The following TP53BP2 variants were observed in gnomAD, a reference collection of about 807,000 sequenced individuals.
TP53BP2 encodes the protein tumor protein p53 binding protein 2.
TP53BP2 carries 62 observed loss-of-function variants against 126.2 expected under a neutral mutation model. The observed-to-expected ratio is 0.49, with a 90% confidence interval of 0.40 to 0.61. The LOEUF (loss-of-function observed/expected upper bound fraction) is 0.61. Among genes scored for constraint, TP53BP2 ranks in the 20% least tolerant of loss-of-function variants. TP53BP2 has a pLI of 0.00. For missense variants in TP53BP2, 1,215 were observed against 1,402.8 expected (o/e 0.87, Z 2.14); for synonymous variants, 485 against 502.9 (o/e 0.96, Z 0.48).
Position 223,814,250 on chromosome 1 carries a change from G to A in TP53BP2, c.279C>T (p.Gly93=), listed in dbSNP as rs368986308. The change falls in exon 3 of 18, where the codon GGC becomes GGT. Residue 93 remains glycine, a synonymous_variant. Coordinates refer to ENST00000343537, the MANE Select transcript of TP53BP2 (RefSeq NM_001031685.3). ...RFFLRHERPP[G]RDIVSGPRSQ... is the part of the protein sequence containing the mutation. Reference sequence around the variant, plus strand: ...CAGAGCACTACCTACCAATGTCCCTGCCAGGGGGGCGTTCATGACGAAGGA... The same window carrying A: ...CAGAGCACTACCTACCAATGTCCCTACCAGGGGGGCGTTCATGACGAAGGA... 2.4e-4 allele frequency: 393 copies of A among 1,612,890 alleles called. No individual in the cohort carries two copies. Among genetic ancestry groups the A allele is most frequent in the Non-Finnish European group, 3.2e-4 (378 of 1,179,100 alleles).
Position 223,796,646 on chromosome 1 carries a change from C to CA in TP53BP2, c.1949-57dup. 6.7e-7 allele frequency: 1 copy of CA among 1,485,516 alleles called. No homozygotes were observed. Among genetic ancestry groups the CA allele is most frequent in the Admixed American group, 2.3e-5 (1 of 44,130 alleles). The allele number at this position is 1,485,516 out of a possible 1,614,324, so 92.0% of individuals were successfully genotyped here. On this transcript the variant is annotated intron_variant, in intron 12 of 17. Coordinates refer to ENST00000343537, the MANE Select transcript of TP53BP2 (RefSeq NM_001031685.3). This position sits in a 1 kb window ranked among gnomAD's most constrained non-coding sequence, Gnocchi z 4.2. ...ATTAGCATTAATTAAACAAAACTGG[C>CA]AAGAAACAGAAACAGCTAACAATAA... is the stretch of plus-strand genomic sequence containing the variant.
chr1:223,806,669 C>A (rs1662728390), intron 5 of TP53BP2, among the ~76,000 whole-genome samples, 177 bp downstream of exon 5: 1 of 152,114 alleles, frequency 6.6e-6, no homozygotes. Flanking sequence ...ACAAAACATA[C>A]AAAATTTAGC....
chr1:223,843,593 G>A (rs954655685), intron 1 of TP53BP2, among the ~76,000 whole-genome samples: 5 of 152,056 alleles, frequency 3.3e-5, no homozygotes, highest in Non-Finnish European at 5.9e-5. Flanking sequence ...AGTTAAAATG[G>A]CATATTTTAT....
intron 1 of TP53BP2, among the ~76,000 whole-genome samples, chr1:223,835,744 A>C (rs1663900176): frequency 6.6e-6 from 1 of 152,218 alleles, no homozygotes; most frequent in African/African-American, 2.4e-5. Context: ...ACAGTGTGCC[A>C]AACACTGTGC....
At chr1:223,792,354 C>A (rs1448421009) in intron 15 of TP53BP2, 35 bp downstream of exon 15, 2 of 1,573,274 alleles carry the variant, frequency 1.3e-6, no homozygotes, top group African/African-American at 1.4e-5. Flanking sequence ...ATTCCCACAA[C>A]TGAAGTTTGA....
At chr1:223,788,951 G>A (rs553238136) in intron 16 of TP53BP2, 57 bp downstream of exon 16, 3 of 1,550,972 alleles carry the variant, frequency 1.9e-6, no homozygotes, top group East Asian at 2.3e-5. Flanking sequence ...TTATACCCTG[G>A]AGATACAGAA....
intron 1 of TP53BP2, among the ~76,000 whole-genome samples, chr1:223,836,085 A>T (rs976328542): frequency 2.0e-5 from 3 of 152,220 alleles, no homozygotes; most frequent in Non-Finnish European, 2.9e-5. Context: ...ATAGTCCTGG[A>T]ACTGTTGAAG....
rs751730379 is a variant in TP53BP2 at position 223,796,015 on chromosome 1, C to T, written c.2524G>A (p.Gly842Arg). 4.3e-6 allele frequency: 7 copies of T among 1,613,946 alleles called. No homozygotes were observed. The highest frequency in any genetic ancestry group is 5.9e-6 in the Non-Finnish European group (7 of 1,179,966). The part of the protein sequence containing the change: ...PSPGLDYEPE[G>R]VPDNSPNLQN... ...AGATTTGGGCTGTTGTCTGGGACTC[C>T]CTCAGGCTCATAATCAAGGCCTGGA... The change falls in exon 13 of 18, where the codon GGA becomes AGA. Residue 842 changes from glycine (G) to arginine (R), a missense_variant. Physicochemically the swap from Gly to Arg is moderately radical, Grantham distance 125. Transcript: ENST00000343537. The surrounding 1 kb of genome is among the most constrained non-coding windows in gnomAD (Gnocchi z 4.2).
At chr1:223,842,053 C>T (rs1664119556) in intron 1 of TP53BP2, among the ~76,000 whole-genome samples, 1 of 152,020 alleles carries the variant, frequency 6.6e-6, no homozygotes, top group Non-Finnish European at 1.5e-5. Context: ...GATTCTCCTG[C>T]CTCAGCCTCC....
chr1:223,798,242 G>C lies in TP53BP2; in HGVS notation c.1921C>G (p.His641Asp), dbSNP rs747573405. The change falls in exon 12 of 18, where the codon CAT becomes GAT. Residue 641 changes from histidine to aspartate, a missense_variant. Transcript: ENST00000343537. ...QAVQSALTKTHTRGPHFSSVY... is the reference protein window; with the variant it reads ...QAVQSALTKTDTRGPHFSSVY... ...CTTGAAAAGTGTGGCCCTCTGGTAT[G>C]AGTCTTGGTCAACGCGCTCTGCACA... The C allele has an allele frequency of 1.2e-6, 2 of 1,613,970 alleles. No homozygotes were observed. The highest frequency in any genetic ancestry group is 1.7e-6 in the Non-Finnish European group (2 of 1,179,904).
chr1:223,819,692 AG>A (rs766793291), intron 2 of TP53BP2, among the ~76,000 whole-genome samples: 5 of 151,826 alleles, frequency 3.3e-5, no homozygotes, highest in African/African-American at 4.8e-5. Flanking sequence ...TCTCAAAAAA[AG>A]AAAAAAGAAA....
chr1:223,843,003 C>T (rs191489654), intron 1 of TP53BP2, among the ~76,000 whole-genome samples: 18 of 152,234 alleles, frequency 1.2e-4, no homozygotes, highest in Admixed American at 1.2e-3. Flanking sequence ...TTCTGCAGTA[C>T]CCTATCATTA....
Position 223,792,418 on chromosome 1 carries a change from T to C in TP53BP2, c.2967A>G (p.Val989=). The C allele has an allele frequency of 6.2e-7, 1 of 1,612,796 alleles. No individual in the cohort carries two copies. The highest frequency in any genetic ancestry group is 8.5e-7 in the Non-Finnish European group (1 of 1,179,432). ...CATCACTATCAGCAGCATTTACATTTACACCAAACTGTACCAGGAACTTAA... is the reference window on the plus strand; with the variant it reads ...CATCACTATCAGCAGCATTTACATTCACACCAAACTGTACCAGGAACTTAA... The part of the protein sequence containing the change: ...EIVKFLVQFG[V]NVNAADSDGW... Residue 989 remains valine (V), a synonymous_variant, in exon 15 of 18, where the codon GTA becomes GTG. Transcript: ENST00000343537.
Position 223,845,795 on chromosome 1 carries a change from G to GGCGGCA in TP53BP2, c.-121_-116dup, listed in dbSNP as rs1243704380. The stretch of plus-strand genomic sequence containing the variant: ...CCCGGACCTGTTGCGAGGCGGCGGC[G>GGCGGCA]GCGGCAGCGGCGGCGCGCGGGTCCG... On this transcript the variant is annotated 5_prime_UTR_variant, in exon 1 of 18. Transcript: ENST00000343537. The GGCGGCA allele has an allele frequency of 1.2e-4, 130 of 1,048,456 alleles. No individual in the cohort carries two copies. Among genetic ancestry groups the GGCGGCA allele is most frequent in the Non-Finnish European group, 1.5e-4 (125 of 822,290 alleles). The allele number at this position is 1,048,456 out of a possible 1,614,324, so 64.9% of individuals were successfully genotyped here.
At chr1:223,827,000 A>C (rs1447567366) in intron 1 of TP53BP2, among the ~76,000 whole-genome samples, 1 of 152,156 alleles carries the variant, frequency 6.6e-6, no homozygotes, top group Non-Finnish European at 1.5e-5. Flanking sequence ...TCTGCTACCT[A>C]AGCACTAGGT....
chr1:223,819,543 G>A (rs967724762), intron 2 of TP53BP2, among the ~76,000 whole-genome samples: 2 of 151,888 alleles, frequency 1.3e-5, no homozygotes, highest in Admixed American at 6.6e-5. Context: ...AAAATTAGGC[G>A]GGCATGGGGG....
At chr1:223,812,562 G>C (rs1444301704) in intron 3 of TP53BP2, among the ~76,000 whole-genome samples, 1 of 151,692 alleles carries the variant, frequency 6.6e-6, no homozygotes. Flanking sequence ...TGTTGTTGTT[G>C]TTGTTGTTTT....
chr1:223,806,833 A>C lies in TP53BP2; in HGVS notation c.474+13T>G. The C allele has an allele frequency of 1.2e-6, 2 of 1,607,628 alleles. No homozygotes were observed. The highest frequency in any genetic ancestry group is 1.3e-5 in the African/African-American group (1 of 74,704). On this transcript the variant is annotated intron_variant, in intron 5 of 17. Coordinates refer to ENST00000343537, the MANE Select transcript of TP53BP2 (RefSeq NM_001031685.3). ...AGTGAGCATTCATCTCCAAAAAAAA[A>C]GGACGATACTACCTTAGTTGCCAGC...
At chr1:223,838,609 TC>T (rs1273065041) in intron 1 of TP53BP2, among the ~76,000 whole-genome samples, 2 of 152,164 alleles carry the variant, frequency 1.3e-5, no homozygotes, top group Non-Finnish European at 2.9e-5. Context: ...CCTCCACTTC[TC>T]CCAACATGCC....
Sources: gnomAD v4.1 joint callset for allele counts (sites outside exome capture counted in the v4.1 genomes callset) on GRCh38, gnomAD v4.1.1 for gene constraint, Gnocchi (gnomAD v3.1) non-coding constraint, MANE v1.5 for transcripts, NCBI Gene and HGNC (gene_info 2026-07-23, HGNC 2026-07-21) for gene names.